ZNF783: variants seen among roughly 807,000 people sequenced by gnomAD.
ZNF783 encodes zinc finger protein 783, also known as protein ZNF783.
Under a neutral mutation model 31.3 loss-of-function variants are expected in ZNF783, and 25 were observed. The ratio of observed to expected loss-of-function variants is 0.80; its 90% CI spans 0.58 to 1.11. The LOEUF (loss-of-function observed/expected upper bound fraction) is 1.11. Among genes scored for constraint, ZNF783 ranks in the 50% most tolerant of loss-of-function variants. The pLI is 0.00. For synonymous variants in ZNF783, 369 were observed against 319.1 expected (o/e 1.16, Z -1.66); for missense variants, 797 against 760.0 (o/e 1.05, Z -0.57).
intron 4 of ZNF783, among the ~76,000 whole-genome samples, chr7:149,269,717 T>C (rs1411252861): frequency 6.6e-6 from 1 of 152,170 alleles, no homozygotes; most frequent in Admixed American, 6.5e-5. Flanking sequence ...ATGTGCACAA[T>C]GTGCAGGTTT....
At chr7:149,262,634 G>C (rs937307696) in intron 1 of ZNF783, among the ~76,000 whole-genome samples, 3 of 152,182 alleles carry the variant, frequency 2.0e-5, no homozygotes, top group African/African-American at 7.2e-5. Flanking sequence ...GCTCGGCGAC[G>C]AGGAGGCCGC....
rs1415823086 is a variant in ZNF783, at chr7:149,266,261, G to A, written c.25-74G>A. 7 of 1,439,576 alleles carry A rather than the reference G, an allele frequency of 4.9e-6. No individual in the cohort carries two copies. The Admixed American group carries it at 8.3e-5, about 17-fold the overall frequency. 89.2% of individuals were successfully genotyped at this position (1,439,576 alleles called of 1,614,324 possible). A position where few individuals can be genotyped will look rare whatever the true frequency, so the allele number is the denominator to read the frequency against. On this transcript the variant is annotated intron_variant, in intron 1 of 5. Coordinates refer to ENST00000434415, the MANE Select transcript of ZNF783 (RefSeq NM_001195220.2). Reference sequence around the variant, plus strand: ...CTTTACCATGGCAGGTGTCATTTCCGAAGTGTGTTTTTGAGGTGGAAGTTT... The same window carrying A: ...CTTTACCATGGCAGGTGTCATTTCCAAAGTGTGTTTTTGAGGTGGAAGTTT...
chr7:149,265,813 G>C (rs993102717), intron 1 of ZNF783, among the ~76,000 whole-genome samples: 13 of 152,170 alleles, frequency 8.5e-5, no homozygotes, highest in African/African-American at 3.1e-4. Flanking sequence ...TATTGTATAG[G>C]TACTATTATT....
At chr7:149,263,324 A>ATT (rs1210367064) in intron 1 of ZNF783, among the ~76,000 whole-genome samples, 2,034 of 108,210 alleles carry the variant, frequency 0.019, 27 homozygotes, top group South Asian at 0.04. Context: ...ATATATATAT[A>ATT]TTTTTTTTTT....
intron 1 of ZNF783, among the ~76,000 whole-genome samples, chr7:149,265,931 C>G (rs1797052244): frequency 6.6e-6 from 1 of 152,232 alleles, no homozygotes; most frequent in Non-Finnish European, 1.5e-5. Flanking sequence ...GGGCTGTCCA[C>G]TGGGGAGTCA....
chr7:149,282,112 C>CT lies in ZNF783; in HGVS notation c.1411dup (p.Cys471LeufsTer21), dbSNP rs1563200289. ...GCCAGGGCTGGCCCGCCTGCCCCTA[C>CT]TGCGGCAAGGCCTTCCGCCGGCCCT... On this transcript the variant is annotated frameshift_variant, in exon 6 of 6. Transcript: ENST00000434415. LOFTEE classifies it low-confidence loss of function (END_TRUNC). 1.3e-6 allele frequency: 2 copies of CT among 1,598,354 alleles called. No individual in the cohort carries two copies. The highest frequency in any genetic ancestry group is 1.7e-6 in the Non-Finnish European group (2 of 1,179,176).
In ZNF783 at chr7:149,282,622, A is replaced by G; in HGVS notation, c.*279A>G. ...TCTGGTAGGTACCACAGCCAAGAGG[A>G]CCAGAGATCATGGCCCTTCCAGTAT... On this transcript the variant is annotated 3_prime_UTR_variant, in exon 6 of 6. Coordinates refer to ENST00000434415, the MANE Select transcript of ZNF783 (RefSeq NM_001195220.2). The G allele has an allele frequency of 2.5e-6, 1 of 396,596 alleles. No individual in the cohort carries two copies. The highest frequency in any genetic ancestry group is 4.5e-6 in the Non-Finnish European group (1 of 224,596). The allele number at this position is 396,596 out of a possible 1,614,324, so 24.6% of individuals were successfully genotyped here.
In ZNF783 at chr7:149,278,459, A is replaced by G; in HGVS notation, c.734A>G (p.Lys245Arg). Residue 245 changes from lysine (K) to arginine (R), a missense_variant, in exon 5 of 6, where the codon AAA (lysine) becomes AGA (arginine). Transcript: ENST00000434415. Reference protein sequence around the residue: ...SPLSPAQEELKEGQAPKQQQD... With the variant: ...SPLSPAQEELREGQAPKQQQD... ...CTTAGCCCTGCCCAGGAGGAGCTGA[A>G]AGAAGGGCAGGCCCCCAAGCAGCAG... 6.3e-7 allele frequency: 1 copy of G among 1,599,410 alleles called. No homozygotes were observed. Among genetic ancestry groups the G allele is most frequent in the East Asian group, 2.2e-5 (1 of 44,842 alleles).
rs1227052380 is a variant in ZNF783 at position 149,283,473 on chromosome 7, T to TG, written c.*1133dup. 1.3e-5 allele frequency: 2 copies of TG among 152,228 alleles called. No individual in the cohort carries two copies. Among genetic ancestry groups the TG allele is most frequent in the Non-Finnish European group, 2.9e-5 (2 of 68,062 alleles). The allele number at this position is 152,228 out of a possible 1,614,324, so 9.4% of individuals were successfully genotyped here. ...CGTCTCCCCAAGGGCTCAGTGTTCA[T>TG]GGGTGTGTAAGATCCATTGACTGGA... On this transcript the variant is annotated 3_prime_UTR_variant, in exon 6 of 6. Transcript: ENST00000434415.
Position 149,262,286 on chromosome 7 carries a change from G to T in ZNF783, c.-48G>T. On this transcript the variant is annotated 5_prime_UTR_variant, in exon 1 of 6. Transcript: ENST00000434415. ...GTCGCTGCCGCGCCGCCCCGGGCCC[G>T]ACAGGCCGGGTCCAGGGACTGCAAC... 7.5e-7 allele frequency: 1 copy of T among 1,339,514 alleles called. No homozygotes were observed. The highest frequency in any genetic ancestry group is 9.6e-7 in the Non-Finnish European group (1 of 1,042,684). 83.0% of individuals were successfully genotyped at this position (1,339,514 alleles called of 1,614,324 possible).
chr7:149,262,895 T>A (rs1164200585), intron 1 of ZNF783, among the ~76,000 whole-genome samples: 3 of 152,222 alleles, frequency 2.0e-5, no homozygotes, highest in African/African-American at 4.8e-5. Flanking sequence ...GATAGTAGAT[T>A]TTTTTAAAAA....
intron 5 of ZNF783, 103 bp downstream of exon 5, chr7:149,278,630 A>G: frequency 2.0e-6 from 3 of 1,533,210 alleles, no homozygotes; most frequent in Non-Finnish European, 2.6e-6. Flanking sequence ...TGGGGCTGGG[A>G]GAGAGGGCTG....
intron 4 of ZNF783, among the ~76,000 whole-genome samples, chr7:149,271,316 C>G (rs1160602118): frequency 6.6e-6 from 1 of 152,188 alleles, no homozygotes; most frequent in East Asian, 1.9e-4. Flanking sequence ...TGCATAATTT[C>G]TTAAATGATC....
chr7:149,279,447 C>T (rs1797408824), intron 5 of ZNF783, among the ~76,000 whole-genome samples: 1 of 152,184 alleles, frequency 6.6e-6, no homozygotes, highest in South Asian at 2.1e-4. Context: ...CTTGTCTCAC[C>T]TCTGAAGCCC....
At chr7:149,278,674 T>G (rs1797389799) in intron 5 of ZNF783, 147 bp downstream of exon 5, 2 of 1,355,560 alleles carry the variant, frequency 1.5e-6, no homozygotes, top group Non-Finnish European at 2.0e-6. Context: ...ACAGGCTTTC[T>G]GGGAAAGAGG....
At chr7:149,279,659 T>G (rs1797417098) in intron 5 of ZNF783, among the ~76,000 whole-genome samples, 1 of 148,490 alleles carries the variant, frequency 6.7e-6, no homozygotes, top group African/African-American at 2.5e-5. Flanking sequence ...TTTTTTAATT[T>G]TTTTTTTTTT....
intron 4 of ZNF783, chr7:149,277,186 G>A (rs1468264435): frequency 6.6e-6 from 1 of 152,152 alleles, no homozygotes; most frequent in Non-Finnish European, 1.5e-5. Flanking sequence ...TTGTTCTCTG[G>A]ATGCTTAAGT....
intron 1 of ZNF783, among the ~76,000 whole-genome samples, chr7:149,262,688 A>G (rs1018606321): frequency 1.3e-5 from 2 of 151,892 alleles, no homozygotes; most frequent in African/African-American, 4.8e-5. Context: ...GGCCCCCCCT[A>G]CAGCAGGCTG....
In ZNF783 at chr7:149,266,416, C is replaced by T. The variant is rs1486103494; in HGVS notation, c.106C>T (p.Leu36Phe). 1.9e-6 allele frequency: 3 copies of T among 1,602,086 alleles called. No homozygotes were observed. Among genetic ancestry groups the T allele is most frequent in the Admixed American group, 1.7e-5 (1 of 60,004 alleles). Reference sequence around the variant, plus strand: ...GCCAGCTGCTGAGAAGAACTCGTACCTCTACTCCACGGAAATCACACTGTG... The same window carrying T: ...GCCAGCTGCTGAGAAGAACTCGTACTTCTACTCCACGGAAATCACACTGTG... ...PQPAAEKNSY[L>F]YSTEITLWTV... Residue 36 changes from leucine to phenylalanine, a missense_variant, in exon 2 of 6, where the codon CTC (leucine) becomes TTC (phenylalanine). Transcript: ENST00000434415.
Sources: gnomAD v4.1 joint callset for allele counts (sites outside exome capture counted in the v4.1 genomes callset) on GRCh38, gnomAD v4.1.1 for gene constraint, MANE v1.5 for transcripts, NCBI Gene and HGNC (gene_info 2026-07-23, HGNC 2026-07-21) for gene names.